Variants in STK39 observed in about 807,000 individuals in gnomAD.
STK39 encodes the protein STE20/SPS1-related proline-alanine-rich protein kinase.
STK39 carries 20 observed loss-of-function variants against 77.8 expected under a neutral mutation model. The observed-to-expected ratio is 0.26, with a 90% CI of 0.18 to 0.37. The LOEUF is 0.37. Among genes scored for constraint, STK39 ranks in the 10% least tolerant of loss-of-function variants. STK39 has a pLI of 1.00. For missense variants in STK39, 479 were observed against 656.5 expected (o/e 0.73, Z 2.95); for synonymous variants, 246 against 234.1 (o/e 1.05, Z -0.47).
rs185750279 is a variant in STK39, at chr2:168,081,685, C to T, written c.1090-6454G>A. Among the ~76,000 whole-genome samples, 25 of 152,168 alleles carry T rather than the reference C, an allele frequency of 1.6e-4. 1 individual carries two copies. Among genetic ancestry groups the T allele is most frequent in the African/African-American group, 4.8e-4 (20 of 41,520 alleles). On this transcript the variant is annotated intron_variant, in intron 10 of 17. Coordinates refer to ENST00000355999, the MANE Select transcript of STK39 (RefSeq NM_013233.3). Reference sequence around the variant, plus strand: ...CAGAATGATATGGTTTGGCTGTGTCCGCACCCAAATCTCATCTTGAATTGT... The same window carrying T: ...CAGAATGATATGGTTTGGCTGTGTCTGCACCCAAATCTCATCTTGAATTGT...
chr2:168,208,824 A>T (rs1444878419), intron 1 of STK39, among the ~76,000 whole-genome samples: 3 of 152,312 alleles, frequency 2.0e-5, no homozygotes, highest in Non-Finnish European at 4.4e-5. Flanking sequence ...GCTGCTAGAG[A>T]TAACAGAGGA....
intron 15 of STK39, among the ~76,000 whole-genome samples, 156 bp downstream of exon 15, chr2:168,016,887 T>C (rs192104716): frequency 1.1e-3 from 167 of 152,338 alleles, no homozygotes; most frequent in African/African-American, 3.9e-3. Context: ...TTGGAATCCT[T>C]AGAAGTATCA....
intron 16 of STK39, among the ~76,000 whole-genome samples, chr2:167,993,713 C>G (rs1173328923): frequency 6.6e-6 from 1 of 152,136 alleles, no homozygotes; most frequent in African/African-American, 2.4e-5. Flanking sequence ...TTTTCTGTTA[C>G]TTGTAGCTTA....
intron 15 of STK39, among the ~76,000 whole-genome samples, chr2:168,015,274 G>A (rs373419687): frequency 4.6e-5 from 7 of 152,288 alleles, no homozygotes; most frequent in South Asian, 2.1e-4. Flanking sequence ...AATATTTTAC[G>A]TTATACATTT....
In STK39 at chr2:168,247,553, G is replaced by GCCGCCGCCGCCA; in HGVS notation, c.-119_-118insTGGCGGCGGCGG. The GCCGCCGCCGCCA allele has an allele frequency of 4.2e-6, 3 of 722,742 alleles. No homozygotes were observed. Among genetic ancestry groups the GCCGCCGCCGCCA allele is most frequent in the South Asian group, 4.1e-5 (1 of 24,258 alleles). The allele number at this position is 722,742 out of a possible 1,614,324, so 44.8% of individuals were successfully genotyped here. On this transcript the variant is annotated 5_prime_UTR_variant, in exon 1 of 18. Coordinates refer to ENST00000355999, the MANE Select transcript of STK39 (RefSeq NM_013233.3). ...GCGCACGCCCTCCCCGCCCGCCGCC[G>GCCGCCGCCGCCA]CCGCCGCCGTCCCCGCCGAAGCCAG...
chr2:168,016,998 A>C, intron 15 of STK39, 45 bp downstream of exon 15: 3 of 1,465,512 alleles, frequency 2.0e-6, no homozygotes, highest in Non-Finnish European at 2.8e-6. Flanking sequence ...CAATTTCTGC[A>C]ATGCTCTTTG....
intron 1 of STK39, among the ~76,000 whole-genome samples, chr2:168,219,018 C>T (rs553962213): frequency 6.6e-6 from 1 of 152,250 alleles, no homozygotes; most frequent in East Asian, 1.9e-4. Context: ...GTCATTTTCC[C>T]TAAGAATCAT....
At chr2:168,170,491 G>T (rs1445364617) in intron 2 of STK39, among the ~76,000 whole-genome samples, 3 of 152,204 alleles carry the variant, frequency 2.0e-5, no homozygotes, top group Non-Finnish European at 4.4e-5. Flanking sequence ...TCCCTAATTT[G>T]GATGGGCATG....
At chr2:168,167,474 T>C in intron 2 of STK39, 67 bp from the exon 3 acceptor site, 1 of 1,405,334 alleles carries the variant, frequency 7.1e-7, no homozygotes, top group South Asian at 1.2e-5. Context: ...CACAAGTGAA[T>C]CACAGTTGAG....
chr2:167,958,978 C>T lies in STK39; in HGVS notation c.1564-3408G>A, dbSNP rs180922749. ...CATACCCATTAACATCACCCATCAC[C>T]AATCTCATCAGAAAAGTCTTTAAGT... On this transcript the variant is annotated intron_variant, in intron 17 of 17. Transcript: ENST00000355999. Among the ~76,000 whole-genome samples the T allele has an allele frequency of 1.7e-3, 253 of 152,298 alleles. 3 individuals carry two copies. The highest frequency in any genetic ancestry group is 0.014 in the Admixed American group (210 of 15,304).
At chr2:168,215,503 C>G (rs1690003711) in intron 1 of STK39, among the ~76,000 whole-genome samples, 1 of 152,202 alleles carries the variant, frequency 6.6e-6, no homozygotes, top group South Asian at 2.1e-4. Context: ...CTTCTGACTC[C>G]TCCAGCTACC....
intron 16 of STK39, among the ~76,000 whole-genome samples, chr2:167,972,592 C>T (rs1393877297): frequency 6.6e-6 from 1 of 152,178 alleles, no homozygotes; most frequent in Non-Finnish European, 1.5e-5. Context: ...TCTTCCCCTC[C>T]ACGAACCATC....
intron 7 of STK39, among the ~76,000 whole-genome samples, chr2:168,138,483 T>C (rs1470402727): frequency 6.6e-6 from 1 of 152,208 alleles, no homozygotes; most frequent in Non-Finnish European, 1.5e-5. Flanking sequence ...CGGACAGAGC[T>C]TTCTGGGAAC....
At chr2:168,227,282 A>C (rs936596946) in intron 1 of STK39, among the ~76,000 whole-genome samples, 1 of 152,242 alleles carries the variant, frequency 6.6e-6, no homozygotes, top group East Asian at 1.9e-4. Context: ...AGTTATTTTC[A>C]TCTACTTGAT....
At chr2:168,198,657 T>C (rs1689535422) in intron 1 of STK39, among the ~76,000 whole-genome samples, 1 of 152,192 alleles carries the variant, frequency 6.6e-6, no homozygotes, top group African/African-American at 2.4e-5. Flanking sequence ...AGTGTGTGCA[T>C]TTGTCCTCAC....
At chr2:168,023,415 G>C (rs1305611526) in intron 14 of STK39, among the ~76,000 whole-genome samples, 1 of 152,114 alleles carries the variant, frequency 6.6e-6, no homozygotes, top group Non-Finnish European at 1.5e-5. Flanking sequence ...TGGTAATGCA[G>C]AACACGAACG....
intron 1 of STK39, among the ~76,000 whole-genome samples, chr2:168,232,792 A>G (rs1020261328): frequency 2.6e-5 from 4 of 152,000 alleles, no homozygotes; most frequent in South Asian, 2.1e-4. Context: ...GGTGCCTGTA[A>G]TCCCAGCTAC....
intron 16 of STK39, among the ~76,000 whole-genome samples, chr2:167,978,653 G>GC (rs1177001463): frequency 6.6e-6 from 1 of 152,152 alleles, no homozygotes; most frequent in African/African-American, 2.4e-5. Flanking sequence ...CAAATTGCAT[G>GC]TTTTTCAAGT....
At chr2:168,074,933 C>A (rs377049943) in intron 12 of STK39, 49 bp downstream of exon 12, 1 of 1,600,106 alleles carries the variant, frequency 6.2e-7, no homozygotes, top group African/African-American at 1.3e-5. Context: ...TCTGATACCA[C>A]AAGAAAGGAA....
Sources: gnomAD v4.1 joint callset for allele counts (sites outside exome capture counted in the v4.1 genomes callset) on GRCh38, gnomAD v4.1.1 for gene constraint, MANE v1.5 for transcripts, NCBI Gene and HGNC (gene_info 2026-07-23, HGNC 2026-07-21) for gene names.